The following SFXN1 variants were observed in gnomAD, a reference collection of about 807,000 sequenced individuals.
SFXN1 encodes the protein sideroflexin-1.
Under a neutral mutation model 39.5 loss-of-function variants are expected in SFXN1, and 32 were observed. That is an observed-to-expected ratio of 0.81 (90% CI 0.61 to 1.09). The LOEUF (loss-of-function observed/expected upper bound fraction) is 1.09. SFXN1 is among the 50% of genes least tolerant of loss of function. SFXN1 has a pLI of 0.00. For missense variants in SFXN1, 402 were observed against 407.1 expected (o/e 0.99, Z 0.11); for synonymous variants, 136 against 146.5 (o/e 0.93, Z 0.52).
intron 3 of SFXN1, 100 bp from the exon 4 acceptor site, chr5:175,510,009 C>T: frequency 1.1e-6 from 1 of 903,694 alleles, no homozygotes; most frequent in Non-Finnish European, 1.8e-6. Context: ...TCTCCCTTCC[C>T]CAGTACGTCT....
At chr5:175,514,816 A>G (rs1760662765) in intron 7 of SFXN1, among the ~76,000 whole-genome samples, 1 of 152,198 alleles carries the variant, frequency 6.6e-6, no homozygotes, top group African/African-American at 2.4e-5. Flanking sequence ...GCCTGAGGCT[A>G]ATGTGTTCTG....
intron 1 of SFXN1, among the ~76,000 whole-genome samples, chr5:175,489,540 C>T (rs375376956): frequency 6.6e-6 from 1 of 152,160 alleles, no homozygotes; most frequent in African/African-American, 2.4e-5. Context: ...AAAATTTAGT[C>T]ATGTCTGCAT....
At chr5:175,513,186 G>T (rs575577589) in intron 6 of SFXN1, among the ~76,000 whole-genome samples, 1 of 150,884 alleles carries the variant, frequency 6.6e-6, no homozygotes, top group African/African-American at 2.4e-5. Context: ...TGTAATTCTA[G>T]CTACTCGGGA....
chr5:175,513,511 G>C lies in SFXN1; in HGVS notation c.645G>C (p.Leu215Phe). 2 of 1,613,910 alleles carry C rather than the reference G, an allele frequency of 1.2e-6. No homozygotes were observed. The highest frequency in any genetic ancestry group is 8.5e-7 in the Non-Finnish European group (1 of 1,179,932). Residue 215 changes from leucine (L) to phenylalanine (F), a missense_variant, in exon 7 of 11, where the codon TTG becomes TTC. Coordinates refer to ENST00000321442, the MANE Select transcript of SFXN1 (RefSeq NM_022754.7). ...TCACGGATGAGAATGGGAACCGCTTGGGGGAGTCGGCGAACGCTGCGAAAC... is the reference window on the plus strand; with the variant it reads ...TCACGGATGAGAATGGGAACCGCTTCGGGGAGTCGGCGAACGCTGCGAAAC... The part of the protein sequence containing the change: ...IPVTDENGNR[L>F]GESANAAKQA...
chr5:175,487,030 A>T (rs1027256168), intron 1 of SFXN1, among the ~76,000 whole-genome samples: 1 of 152,152 alleles, frequency 6.6e-6, no homozygotes, highest in Non-Finnish European at 1.5e-5. Flanking sequence ...AGAAAAACCC[A>T]TATCAGATCT....
At chr5:175,513,813 A>G in intron 7 of SFXN1, 1 of 434,590 alleles carries the variant, frequency 2.3e-6, no homozygotes, top group South Asian at 2.4e-5. Context: ...GCCGGGGAAG[A>G]GCACTGGGTG....
chr5:175,514,929 A>G (rs112647503), intron 7 of SFXN1, among the ~76,000 whole-genome samples: 11,706 of 152,220 alleles, frequency 0.077, 523 homozygotes, highest in Admixed American at 0.11. Context: ...TATGGAGCCC[A>G]CCCCGGTGTT....
At chr5:175,499,754 A>G (rs1760001704) in intron 2 of SFXN1, among the ~76,000 whole-genome samples, 1 of 152,248 alleles carries the variant, frequency 6.6e-6, no homozygotes, top group South Asian at 2.1e-4. Context: ...TGCTCTCGTT[A>G]ACTTTTCTTC....
chr5:175,521,347 A>T (rs1198614002), intron 8 of SFXN1, among the ~76,000 whole-genome samples: 10 of 151,842 alleles, frequency 6.6e-5, no homozygotes, highest in African/African-American at 2.4e-4. Flanking sequence ...GACGAGGTGT[A>T]AAGTGGGGTG....
At chr5:175,510,825 C>G (rs1178320885) in intron 4 of SFXN1, among the ~76,000 whole-genome samples, 4 of 152,082 alleles carry the variant, frequency 2.6e-5, no homozygotes, top group Non-Finnish European at 5.9e-5. Context: ...TCTTTTTTAT[C>G]ACTTAAAATT....
chr5:175,501,099 C>T (rs375377180), intron 2 of SFXN1, among the ~76,000 whole-genome samples: 86 of 135,444 alleles, frequency 6.3e-4, no homozygotes, highest in African/African-American at 2.3e-3. Flanking sequence ...GACAGAGTCT[C>T]GCTCTGTCAC....
intron 1 of SFXN1, among the ~76,000 whole-genome samples, chr5:175,490,954 G>A (rs1462911609): frequency 2.6e-5 from 4 of 152,146 alleles, no homozygotes; most frequent in African/African-American, 7.2e-5. Context: ...TACCAAAACA[G>A]TAACGATGAT....
At chr5:175,513,380 G>T (rs1393994709) in intron 6 of SFXN1, 83 bp from the exon 7 acceptor site, 2 of 1,470,482 alleles carry the variant, frequency 1.4e-6, no homozygotes, top group Non-Finnish European at 1.8e-6. Flanking sequence ...TAAGTAGAGG[G>T]TTGATCTTTC....
intron 10 of SFXN1, chr5:175,524,119 AAAAAAAATATATATATATATATATAT>A (rs1554102628): frequency 3.1e-4 from 12 of 38,636 alleles, no homozygotes; most frequent in South Asian, 1.6e-3. Flanking sequence ...AAAAAAAAAA[AAAAAAAATATATATATATATATATAT>A]ATATATATAT....
Position 175,528,812 on chromosome 5 carries a change from A to G in SFXN1, c.*2078A>G, listed in dbSNP as rs1217085936. On this transcript the variant is annotated 3_prime_UTR_variant, in exon 11 of 11. Coordinates refer to ENST00000321442, the MANE Select transcript of SFXN1 (RefSeq NM_022754.7). The stretch of plus-strand genomic sequence containing the variant: ...CGACGCGTCTCTTTATAAAGTGGTA[A>G]AAGCCTGAAATTCAGGGCAGCTCTC... 1 of 152,164 alleles carries G rather than the reference A, an allele frequency of 6.6e-6. No individual in the cohort carries two copies. Among genetic ancestry groups the G allele is most frequent in the Non-Finnish European group, 1.5e-5 (1 of 68,028 alleles). 9.4% of individuals were successfully genotyped at this position (152,164 alleles called of 1,614,324 possible).
rs142653936 is a variant in SFXN1, at chr5:175,493,288, T to C, written c.164+1021T>C. ...AAAAAAAAAGATGTAAAAACCACTC[T>C]TACCTGGCAGGGCACACAGGCCACG... On this transcript the variant is annotated intron_variant, in intron 2 of 10. Coordinates refer to ENST00000321442, the MANE Select transcript of SFXN1 (RefSeq NM_022754.7). Among the ~76,000 whole-genome samples, 130 of 152,164 alleles carry C rather than the reference T, an allele frequency of 8.5e-4. 1 individual carries two copies. Among genetic ancestry groups the C allele is most frequent in the African/African-American group, 3.0e-3 (125 of 41,540 alleles).
At position 175,521,899 on chromosome 5, in the gene SFXN1, C is replaced by T. The variant is rs1342333898; in HGVS notation, c.775-20C>T. 1 of 1,584,262 alleles carries T rather than the reference C, an allele frequency of 6.3e-7. No homozygotes were observed. Among genetic ancestry groups the T allele is most frequent in the Non-Finnish European group, 8.6e-7 (1 of 1,159,646 alleles). ...GACCCTGTATAAAAAGTATTCAAAG[C>T]CATTTATTTCTCAACACAGAGGTTC... On this transcript the variant is annotated intron_variant, in intron 8 of 10. Transcript: ENST00000321442.
intron 2 of SFXN1, among the ~76,000 whole-genome samples, chr5:175,497,239 T>C (rs1241135661): frequency 6.6e-6 from 1 of 152,144 alleles, no homozygotes; most frequent in Non-Finnish European, 1.5e-5. Context: ...AATCAGTATG[T>C]AAGAAATAAC....
rs753720909 is a variant in SFXN1, at chr5:175,513,497, A to G, written c.631A>G (p.Asn211Asp). Reference sequence around the variant, plus strand: ...AGTTGGCATTCCCGTCACGGATGAGAATGGGAACCGCTTGGGGGAGTCGGC... The same window carrying G: ...AGTTGGCATTCCCGTCACGGATGAGGATGGGAACCGCTTGGGGGAGTCGGC... ...LKVGIPVTDENGNRLGESANA... is the reference protein window; with the variant it reads ...LKVGIPVTDEDGNRLGESANA... The change falls in exon 7 of 11, where the codon AAT becomes GAT. Residue 211 changes from asparagine (N) to aspartate (D), a missense_variant. Coordinates refer to ENST00000321442, the MANE Select transcript of SFXN1 (RefSeq NM_022754.7). The G allele has an allele frequency of 2.5e-6, 4 of 1,613,716 alleles. No homozygotes were observed. The African/African-American group carries it at 5.3e-5, about 22-fold the overall frequency.
Sources: allele counts gnomAD v4.1 joint callset (sites outside exome capture counted in the v4.1 genomes callset), GRCh38; gene constraint gnomAD v4.1.1; transcripts MANE v1.5; gene names NCBI Gene and HGNC (gene_info 2026-07-23, HGNC 2026-07-21).